Variants in CDH12 observed in about 807,000 individuals in gnomAD.
The protein encoded by CDH12 is cadherin-12.
CDH12 carries 41 observed loss-of-function variants against 74.1 expected under a neutral mutation model. The ratio of observed to expected loss-of-function variants is 0.55; its 90% CI spans 0.43 to 0.72. CDH12 has a LOEUF of 0.72. CDH12 is among the 30% of genes least tolerant of loss of function. The pLI is 0.00. For missense variants in CDH12, 945 were observed against 977.2 expected (o/e 0.97, Z 0.44); for synonymous variants, 399 against 355.0 (o/e 1.12, Z -1.39).
chr5:22,473,264 G>C (rs1470458312), intron 2 of CDH12, among the ~76,000 whole-genome samples: 1 of 152,052 alleles, frequency 6.6e-6, no homozygotes, highest in Non-Finnish European at 1.5e-5. Context: ...CCATTCTGCT[G>C]CATCACTCTT....
At chr5:22,584,151 G>A (rs1740252883) in intron 1 of CDH12, among the ~76,000 whole-genome samples, 1 of 151,806 alleles carries the variant, frequency 6.6e-6, no homozygotes, top group Non-Finnish European at 1.5e-5. Context: ...CCAGGCTGGA[G>A]TGCAGTGGCA....
At chr5:22,637,250 G>A (rs1738888595) in intron 1 of CDH12, among the ~76,000 whole-genome samples, 1 of 152,088 alleles carries the variant, frequency 6.6e-6, no homozygotes, top group South Asian at 2.1e-4. Flanking sequence ...TATTCCAAAA[G>A]AGCCCTTAAA....
At chr5:22,328,632 G>C (rs36086257) in intron 3 of CDH12, among the ~76,000 whole-genome samples, 1 of 152,294 alleles carries the variant, frequency 6.6e-6, no homozygotes, top group Middle Eastern at 3.4e-3. Context: ...AGAGCCATTT[G>C]TGCCATAAAA....
intron 2 of CDH12, among the ~76,000 whole-genome samples, chr5:22,494,761 A>G (rs1261613910): frequency 6.6e-6 from 1 of 152,188 alleles, no homozygotes; most frequent in Admixed American, 6.6e-5. Flanking sequence ...AGACCATCCC[A>G]TGAAGAGCCT....
In CDH12 at chr5:22,639,870, G is replaced by T. The variant is rs115953282; in HGVS notation, c.-522-134506C>A. Among the ~76,000 whole-genome samples the T allele has an allele frequency of 1.3e-3, 202 of 152,136 alleles. 2 individuals are homozygous for T. Among genetic ancestry groups the T allele is most frequent in the Non-Finnish European group, 2.2e-3 (152 of 68,008 alleles). ...GTGCTCAAAACACATACTGTTTCAG[G>T]CCCGAGTGACTTACAGTCAACCTAT... is the stretch of plus-strand genomic sequence containing the variant. On this transcript the variant is annotated intron_variant, in intron 1 of 14. Transcript: ENST00000382254.
At chr5:21,957,984 C>T (rs1580016547) in intron 6 of CDH12, among the ~76,000 whole-genome samples, 1 of 152,032 alleles carries the variant, frequency 6.6e-6, no homozygotes, top group Non-Finnish European at 1.5e-5. Flanking sequence ...TTATAATCTC[C>T]ATAATCACCA....
chr5:21,934,652 T>C (rs1365080414), intron 6 of CDH12, among the ~76,000 whole-genome samples: 5 of 152,212 alleles, frequency 3.3e-5, no homozygotes, highest in African/African-American at 1.2e-4. Flanking sequence ...TGTGTTGGTG[T>C]CTGTGAGTTT....
intron 3 of CDH12, among the ~76,000 whole-genome samples, chr5:22,226,180 C>T (rs2150371874): frequency 6.6e-6 from 1 of 151,928 alleles, no homozygotes; most frequent in Admixed American, 6.6e-5. Flanking sequence ...GCGGACCTCT[C>T]TATTCTCGGT....
At chr5:22,825,905 T>C (rs1439789558) in intron 1 of CDH12, among the ~76,000 whole-genome samples, 1 of 152,150 alleles carries the variant, frequency 6.6e-6, no homozygotes, top group Non-Finnish European at 1.5e-5. Flanking sequence ...TAGATGCTGA[T>C]AATTAGTCAG....
intron 3 of CDH12, among the ~76,000 whole-genome samples, chr5:22,302,531 G>A (rs1443945545): frequency 6.6e-6 from 1 of 152,074 alleles, no homozygotes; most frequent in Non-Finnish European, 1.5e-5. Context: ...AGATGAAGAT[G>A]TCAATAAAGC....
chr5:21,813,357 GTAATCC>G (rs1290635765), intron 9 of CDH12, among the ~76,000 whole-genome samples: 2 of 152,070 alleles, frequency 1.3e-5, no homozygotes, highest in Non-Finnish European at 2.9e-5. Context: ...GCAGGCACCT[GTAATCC>G]CAACTACTTG....
At chr5:22,424,383 G>C (rs1743803024) in intron 2 of CDH12, among the ~76,000 whole-genome samples, 1 of 152,158 alleles carries the variant, frequency 6.6e-6, no homozygotes, top group African/African-American at 2.4e-5. Context: ...AAAAACTCCA[G>C]GGTAATACAC....
intron 11 of CDH12, among the ~76,000 whole-genome samples, chr5:21,780,762 C>A (rs1745862210): frequency 6.6e-6 from 1 of 152,152 alleles, no homozygotes; most frequent in Non-Finnish European, 1.5e-5. Flanking sequence ...TTAGACAACT[C>A]ATTTTCACCA....
At chr5:22,385,777 A>G (rs181725891) in intron 3 of CDH12, among the ~76,000 whole-genome samples, 41 of 152,110 alleles carry the variant, frequency 2.7e-4, no homozygotes, top group Middle Eastern at 3.4e-3. Context: ...TACAAGAAGC[A>G]TGACTGGGGA....
At chr5:21,828,125 ATT>A (rs765920585) in intron 8 of CDH12, among the ~76,000 whole-genome samples, 2 of 144,718 alleles carry the variant, frequency 1.4e-5, no homozygotes. Flanking sequence ...AAAACAATGA[ATT>A]TTTTTTTTTT....
chr5:22,509,179 C>G (rs1736506127), intron 1 of CDH12, among the ~76,000 whole-genome samples: 1 of 152,084 alleles, frequency 6.6e-6, no homozygotes, highest in South Asian at 2.1e-4. Context: ...AATTAACTTG[C>G]TTAGAGAGAT....
chr5:22,732,024 C>T (rs577947433), intron 1 of CDH12, among the ~76,000 whole-genome samples: 17 of 151,902 alleles, frequency 1.1e-4, no homozygotes, highest in African/African-American at 3.1e-4. Flanking sequence ...TCCCAAACTT[C>T]GTATGCTGAA....
At chr5:22,204,856 A>T (rs1751132973) in intron 4 of CDH12, among the ~76,000 whole-genome samples, 1 of 152,210 alleles carries the variant, frequency 6.6e-6, no homozygotes, top group South Asian at 2.1e-4. Flanking sequence ...TCTCTGTTTA[A>T]GTCAGGAGCT....
At chr5:22,729,508 A>G (rs769681460) in intron 1 of CDH12, among the ~76,000 whole-genome samples, 3 of 151,844 alleles carry the variant, frequency 2.0e-5, no homozygotes, top group Admixed American at 1.3e-4. Context: ...TAACAAATGC[A>G]TGGGTATGAT....
Sources: gnomAD v4.1 joint callset for allele counts (sites outside exome capture counted in the v4.1 genomes callset) on GRCh38, gnomAD v4.1.1 for gene constraint, MANE v1.5 for transcripts, NCBI Gene and HGNC (gene_info 2026-07-23, HGNC 2026-07-21) for gene names.